ANKRD30A: variants seen among roughly 807,000 people sequenced by gnomAD.
The protein encoded by ANKRD30A is ankyrin repeat domain-containing protein 30A.
ANKRD30A carries 170 observed loss-of-function variants against 166.3 expected under a neutral mutation model. The ratio of observed to expected loss-of-function variants is 1.02; its 90% CI spans 0.90 to 1.16. The LOEUF is 1.16. ANKRD30A is among the 50% of genes most tolerant of loss of function. The pLI is 0.00. For synonymous variants in ANKRD30A, 564 were observed against 508.9 expected, an observed-to-expected ratio of 1.11 and a Z score of -1.46; for missense variants, 1,630 against 1,518.0, an observed-to-expected ratio of 1.07 and a Z score of -1.23.
intron 34 of ANKRD30A, among the ~76,000 whole-genome samples, chr10:37,230,803 T>A (rs748472816): frequency 6.6e-6 from 1 of 152,064 alleles, no homozygotes; most frequent in African/African-American, 2.4e-5. Context: ...GATTAAGGGA[T>A]GTACAATTCA....
At chr10:37,249,922 G>A in the ANKRD30A span, among the ~76,000 whole-genome samples, 1 of 152,318 alleles carries the variant, frequency 6.6e-6, no homozygotes, top group East Asian at 1.9e-4. Context: ...AGTAGTAGAA[G>A]GAAAACTACT....
chr10:37,151,959 A>G, intron 11 of ANKRD30A, 101 bp from the exon 12 acceptor site: 1 of 1,092,432 alleles, frequency 9.2e-7, no homozygotes, highest in Non-Finnish European at 1.3e-6. Flanking sequence ...GCCACAGAGG[A>G]AAAACCACAG....
intron 11 of ANKRD30A, among the ~76,000 whole-genome samples, chr10:37,150,225 A>T (rs1302863015): frequency 6.6e-6 from 1 of 152,004 alleles, no homozygotes; most frequent in Non-Finnish European, 1.5e-5. Flanking sequence ...TACTGATATA[A>T]CACTTGTGTT....
At position 37,136,675 on chromosome 10, in the gene ANKRD30A, A is replaced by G; in HGVS notation, c.820+4A>G. On this transcript the variant is annotated splice_donor_region_variant and intron_variant, in intron 6 of 35. Transcript: ENST00000361713. ...AATCATCAAAATACCAATCCAGGTA[A>G]GACTTCTGATAGTAAACTACCCTTG... is the stretch of plus-strand genomic sequence containing the variant. 6 of 1,413,248 alleles carry G rather than the reference A, an allele frequency of 4.2e-6. No homozygotes were observed. Among genetic ancestry groups the G allele is most frequent in the Non-Finnish European group, 5.8e-6 (6 of 1,026,470 alleles). The allele number at this position is 1,413,248 out of a possible 1,614,324, so 87.5% of individuals were successfully genotyped here. A position where few individuals can be genotyped will look rare whatever the true frequency, so the allele number is the denominator to read the frequency against.
chr10:37,165,018 G>A, intron 17 of ANKRD30A, 76 bp from the exon 18 acceptor site: 1 of 1,429,664 alleles, frequency 7.0e-7, no homozygotes, highest in South Asian at 1.2e-5. Flanking sequence ...GTGAATGAAA[G>A]TAGATTTGTA....
intron 24 of ANKRD30A, among the ~76,000 whole-genome samples, chr10:37,183,896 G>A (rs1391594667): frequency 2.7e-5 from 4 of 149,336 alleles, no homozygotes; most frequent in Non-Finnish European, 6.0e-5. Context: ...CGTCTGTAAC[G>A]CCAGCACGTT....
intron 6 of ANKRD30A, among the ~76,000 whole-genome samples, chr10:37,140,127 C>T (rs930846930): frequency 4.6e-5 from 7 of 152,072 alleles, no homozygotes; most frequent in African/African-American, 1.4e-4. Context: ...AATTATTATA[C>T]ATAAAGATCT....
At chr10:37,203,241 A>G (rs1460899217) in intron 31 of ANKRD30A, among the ~76,000 whole-genome samples, 1 of 152,216 alleles carries the variant, frequency 6.6e-6, no homozygotes, top group African/African-American at 2.4e-5. Flanking sequence ...CCTCAATAAA[A>G]TACTGGCAAA....
intron 11 of ANKRD30A, among the ~76,000 whole-genome samples, chr10:37,151,158 G>T (rs995010746): frequency 6.6e-6 from 1 of 152,014 alleles, no homozygotes; most frequent in Non-Finnish European, 1.5e-5. Flanking sequence ...GGTCTTTTAA[G>T]TTTTAGTTGT....
intron 31 of ANKRD30A, among the ~76,000 whole-genome samples, chr10:37,213,128 C>T (rs1368021032): frequency 6.6e-6 from 1 of 151,700 alleles, no homozygotes; most frequent in East Asian, 1.9e-4. Context: ...TTATTCGTTC[C>T]ATCTCTGATG....
At chr10:37,179,015 TATATA>T (rs1839962773) in intron 24 of ANKRD30A, among the ~76,000 whole-genome samples, 2 of 1,724 alleles carry the variant, frequency 1.2e-3, no homozygotes, top group African/African-American at 3.7e-3. Context: ...AGGCGTCAAA[TATATA>T]TATATATATA....
At chr10:37,139,392 G>A (rs1187456503) in intron 6 of ANKRD30A, among the ~76,000 whole-genome samples, 6 of 152,166 alleles carry the variant, frequency 3.9e-5, no homozygotes, top group Non-Finnish European at 7.3e-5. Context: ...AATGACAAAA[G>A]CTTTGAGTCA....
intron 34 of ANKRD30A, among the ~76,000 whole-genome samples, chr10:37,221,094 T>C (rs1588952322): frequency 6.7e-6 from 1 of 148,998 alleles, no homozygotes; most frequent in African/African-American, 2.5e-5. Context: ...GCATTACAGA[T>C]TCATTAGCGG....
intron 6 of ANKRD30A, among the ~76,000 whole-genome samples, chr10:37,139,410 C>A (rs554185076): frequency 6.6e-6 from 1 of 152,176 alleles, no homozygotes; most frequent in African/African-American, 2.4e-5. Context: ...TCAACACACC[C>A]GTGGGTAATT....
intron 13 of ANKRD30A, among the ~76,000 whole-genome samples, 157 bp downstream of exon 13, chr10:37,153,819 T>C (rs1588807687): frequency 6.6e-6 from 1 of 152,154 alleles, no homozygotes; most frequent in East Asian, 1.9e-4. Flanking sequence ...TCTCATCAGG[T>C]GTTGGCAACA....
intron 31 of ANKRD30A, among the ~76,000 whole-genome samples, chr10:37,204,124 A>G (rs940559448): frequency 6.6e-6 from 1 of 152,166 alleles, no homozygotes; most frequent in Non-Finnish European, 1.5e-5. Context: ...TCTTCACAGA[A>G]TTGGAAAAAC....
At chr10:37,213,674 T>C (rs138560207) in intron 31 of ANKRD30A, among the ~76,000 whole-genome samples, 21 of 151,702 alleles carry the variant, frequency 1.4e-4, no homozygotes, top group African/African-American at 4.6e-4. Flanking sequence ...AGATGCATTT[T>C]ACAATATCTA....
chr10:37,149,624 T>G (rs1329879697), intron 9 of ANKRD30A, 27 bp from the exon 10 acceptor site: 1 of 1,608,250 alleles, frequency 6.2e-7, no homozygotes, highest in Admixed American at 1.7e-5. Context: ...TACTTATGAT[T>G]GATGATAAAT....
chr10:37,159,674 T>A (rs184694509), intron 15 of ANKRD30A, among the ~76,000 whole-genome samples: 1 of 152,130 alleles, frequency 6.6e-6, no homozygotes, highest in African/African-American at 2.4e-5. Flanking sequence ...TTTCTTCTAT[T>A]TTTGTTTGTA....
Sources: gnomAD v4.1 joint callset for allele counts (sites outside exome capture counted in the v4.1 genomes callset) on GRCh38, gnomAD v4.1.1 for gene constraint, MANE v1.5 for transcripts, NCBI Gene and HGNC (gene_info 2026-07-23, HGNC 2026-07-21) for gene names.